The following CEP295 variants were observed in gnomAD, a reference collection of about 807,000 sequenced individuals.
CEP295 encodes the protein centrosomal protein of 295 kDa.
A neutral mutation model predicts 291.6 loss-of-function variants in CEP295; 190 were observed. The observed-to-expected ratio is 0.65, with a 90% CI of 0.58 to 0.73. The LOEUF (loss-of-function observed/expected upper bound fraction) is 0.73, where lower values mean the gene tolerates loss of function less well. Among genes scored for constraint, CEP295 ranks in the 30% least tolerant of loss-of-function variants. CEP295 has a pLI of 0.00. For missense variants in CEP295, 2,863 were observed against 2,949.4 expected (o/e 0.97, Z 0.68); for synonymous variants, 993 against 1,038.8 (o/e 0.96, Z 0.85).
At chr11:93,709,570 T>C (rs1369242866) in intron 18 of CEP295, among the ~76,000 whole-genome samples, 1 of 152,156 alleles carries the variant, frequency 6.6e-6, no homozygotes, top group South Asian at 2.1e-4. Context: ...TAATTTGAAG[T>C]TAGGTAGATT....
chr11:93,696,958 T>G lies in CEP295; in HGVS notation c.2046T>G (p.Phe682Leu), dbSNP rs745757892. 1.3e-5 allele frequency: 20 copies of G among 1,551,828 alleles called. No individual in the cohort carries two copies. In the Admixed American group the frequency reaches 1.6e-4, roughly 12 times the overall value. Residue 682 changes from phenylalanine to leucine, a missense_variant, in exon 15 of 30, where the codon TTT (phenylalanine) becomes TTG (leucine). Phe to Leu is a conservative substitution (Grantham distance 22). Coordinates refer to ENST00000325212, the MANE Select transcript of CEP295 (RefSeq NM_033395.2). ...DHFQVARQNH[F>L]PQRQVETTET... ...TTCAGGTAGCGAGACAAAATCACTT[T>G]CCACAAAGACAGGTGGAAACAACAG...
chr11:93,663,923 G>A lies in CEP295; in HGVS notation c.-27+2149G>A, dbSNP rs1285838837. 2.0e-5 allele frequency among the ~76,000 whole-genome samples: 3 copies of A among 152,076 alleles called. No homozygotes were observed. In the East Asian group the frequency reaches 5.8e-4, roughly 29 times the overall value. ...ATACACTTGTCTAAACCATCATACA[G>A]ATCAAAATATATAAATTTTCAGTAC... On this transcript the variant is annotated intron_variant, in intron 1 of 29. Coordinates refer to ENST00000325212, the MANE Select transcript of CEP295 (RefSeq NM_033395.2).
intron 2 of CEP295, 95 bp downstream of exon 2, chr11:93,666,910 A>G (rs1950227440): frequency 1.4e-6 from 1 of 721,174 alleles, no homozygotes; most frequent in Admixed American, 2.7e-5. Flanking sequence ...GTATTTAAAA[A>G]CCTCTTCTGG....
At chr11:93,715,011 T>G (rs1011552701) in intron 18 of CEP295, among the ~76,000 whole-genome samples, 1 of 152,180 alleles carries the variant, frequency 6.6e-6, no homozygotes, top group African/African-American at 2.4e-5. Flanking sequence ...ACCATCTTTG[T>G]TCATTCAAGG....
intron 5 of CEP295, among the ~76,000 whole-genome samples, chr11:93,675,352 C>T (rs1421528214): frequency 2.6e-5 from 4 of 151,870 alleles, no homozygotes; most frequent in East Asian, 1.9e-4. Flanking sequence ...ATTTAGTTAG[C>T]GACACCTTGA....
At chr11:93,704,113 A>C (rs573137333) in intron 17 of CEP295, among the ~76,000 whole-genome samples, 1 of 151,776 alleles carries the variant, frequency 6.6e-6, no homozygotes, top group Admixed American at 6.6e-5. Context: ...GAATTTCATA[A>C]TTTTTTTTAG....
rs1472218862 is a variant in CEP295 at position 93,727,366 on chromosome 11, G to A, written c.6890G>A (p.Gly2297Glu). The change falls in exon 24 of 30, where the codon GGA becomes GAA. Residue 2297 changes from glycine (G) to glutamate (E), a missense_variant. Gly to Glu is a moderately conservative substitution (Grantham distance 98). This residue lies in a region of CEP295 where 2,295 missense variants were observed against 2,335.7 expected (regional missense o/e 0.98). Coordinates refer to ENST00000325212, the MANE Select transcript of CEP295 (RefSeq NM_033395.2). ...RGVVTMLQSQ[G>E]LIEDNKNETC... The stretch of plus-strand genomic sequence containing the variant: ...GTTGTTACAATGTTACAAAGTCAAG[G>A]ACTCATTGAAGATAATAAAAATGAA... 9 of 1,551,456 alleles carry A rather than the reference G, an allele frequency of 5.8e-6. No individual in the cohort carries two copies. Among genetic ancestry groups the A allele is most frequent in the South Asian group, 1.2e-5 (1 of 84,032 alleles).
intron 18 of CEP295, among the ~76,000 whole-genome samples, chr11:93,710,155 C>T (rs1264367465): frequency 6.6e-6 from 1 of 152,162 alleles, no homozygotes; most frequent in Non-Finnish European, 1.5e-5. Context: ...CTAGGACTTC[C>T]AGTACCATTA....
intron 17 of CEP295, among the ~76,000 whole-genome samples, chr11:93,705,269 A>C (rs2135176916): frequency 6.6e-6 from 1 of 152,238 alleles, no homozygotes. Context: ...GTGAAAAAAA[A>C]CTTTTACTAT....
chr11:93,710,922 G>T (rs796867646), intron 18 of CEP295, among the ~76,000 whole-genome samples: 1 of 151,994 alleles, frequency 6.6e-6, no homozygotes, highest in Non-Finnish European at 1.5e-5. Context: ...AGTCTCTAAC[G>T]ATCCTTTAAA....
chr11:93,679,273 T>C (rs1160683907), intron 6 of CEP295, 139 bp from the exon 7 acceptor site: 1 of 720,312 alleles, frequency 1.4e-6, no homozygotes, highest in African/African-American at 1.8e-5. Context: ...ATGCCGTTGA[T>C]AATTGTGGAC....
In CEP295 at chr11:93,699,532, G is replaced by A. The variant is rs1329738590; in HGVS notation, c.4620G>A (p.Arg1540=). The A allele has an allele frequency of 6.4e-7, 1 of 1,551,790 alleles. No homozygotes were observed. The highest frequency in any genetic ancestry group is 1.2e-5 in the South Asian group (1 of 84,050). ...AAAGATTAAGTGAATTGGAGAAAAG[G>A]GTATCATCTGAACAAGTTTGCTCCT... ...LLQRLSELEK[R]VSSEQVCSSS... The change falls in exon 15 of 30, where the codon AGG becomes AGA. Residue 1540 remains arginine (R), a synonymous_variant. Transcript: ENST00000325212.
At position 93,678,749 on chromosome 11, in the gene CEP295, T is replaced by TA. The variant is rs954589841; in HGVS notation, c.625-653dup. On this transcript the variant is annotated intron_variant, in intron 6 of 29. Transcript: ENST00000325212. ...GTCAACATAGCAAGACCCATCTCTTTAAAAAAAAAAGTAAATCCAGACTCT... is the reference window on the plus strand; with the variant it reads ...GTCAACATAGCAAGACCCATCTCTTTAAAAAAAAAAAGTAAATCCAGACTCT... Among the ~76,000 whole-genome samples, 50 of 149,868 alleles carry TA rather than the reference T, an allele frequency of 3.3e-4. 1 individual carries two copies. The East Asian group carries it at 3.9e-3, about 12-fold the overall frequency.
intron 21 of CEP295, 61 bp downstream of exon 21, chr11:93,723,350 C>A: frequency 8.0e-7 from 1 of 1,245,632 alleles, no homozygotes; most frequent in Non-Finnish European, 1.1e-6. Flanking sequence ...CACCTTTCAT[C>A]ATTTTAAATT....
In CEP295 at chr11:93,725,633, CCTTTT is replaced by C. The variant is rs1466794473; in HGVS notation, c.6319-17_6319-13del. 3.3e-6 allele frequency: 5 copies of C among 1,526,354 alleles called. No homozygotes were observed. The South Asian group carries it at 6.3e-5, about 19-fold the overall frequency. The allele number at this position is 1,526,354 out of a possible 1,614,324, so 94.6% of individuals were successfully genotyped here. A position where few individuals can be genotyped will look rare whatever the true frequency, so the allele number is the denominator to read the frequency against. On this transcript the variant is annotated splice_polypyrimidine_tract_variant and intron_variant, in intron 22 of 29. Transcript: ENST00000325212. ...TACCTAATCAGTATTTCAGCCTTTC[CCTTTT>C]GTTTCCTGCCAGAGATCAGATTCTT...
At chr11:93,662,959 C>A (rs1174135064) in intron 1 of CEP295, among the ~76,000 whole-genome samples, 1 of 152,182 alleles carries the variant, frequency 6.6e-6, no homozygotes, top group Non-Finnish European at 1.5e-5. Context: ...AAATACATAA[C>A]CTCAGTTTAA....
rs533674905 is a variant in CEP295, at chr11:93,701,801, G to T, written c.5275-659G>T. 2.0e-5 allele frequency among the ~76,000 whole-genome samples: 3 copies of T among 151,476 alleles called. No homozygotes were observed. In the South Asian group the frequency reaches 6.3e-4, roughly 32 times the overall value. ...GTATTTTTTGTAGAGACAGGGTTTT[G>T]CCATGTTGCCCAGGCTGGTTTCAAT... On this transcript the variant is annotated intron_variant, in intron 15 of 29. Transcript: ENST00000325212.
At chr11:93,723,474 A>C in intron 21 of CEP295, 185 bp downstream of exon 21, 1 of 512,300 alleles carries the variant, frequency 2.0e-6, no homozygotes, top group Non-Finnish European at 3.5e-6. Context: ...AATTAGACTC[A>C]CTGAGGCACA....
chr11:93,674,218 C>T (rs1245461029), intron 5 of CEP295, among the ~76,000 whole-genome samples: 4 of 152,168 alleles, frequency 2.6e-5, no homozygotes, highest in Non-Finnish European at 4.4e-5. Flanking sequence ...CTGCCTTGGC[C>T]TCCCAAAGTG....
Sources: allele counts gnomAD v4.1 joint callset (sites outside exome capture counted in the v4.1 genomes callset), GRCh38; gene constraint gnomAD v4.1.1; regional missense constraint gnomAD v4.1.1; transcripts MANE v1.5; gene names NCBI Gene and HGNC (gene_info 2026-07-23, HGNC 2026-07-21).